Variants in BCAP29 observed in about 807,000 individuals in gnomAD.
BCAP29 encodes B cell receptor associated protein 29.
Under a neutral mutation model 31.8 loss-of-function variants are expected in BCAP29, and 34 were observed. That is an observed-to-expected ratio of 1.07 (90% CI 0.81 to 1.42). The LOEUF (loss-of-function observed/expected upper bound fraction) is 1.42. BCAP29 is among the 40% of genes most tolerant of loss of function. The pLI is 0.00. For missense variants in BCAP29, 314 were observed against 269.2 expected (o/e 1.17, Z -1.16); for synonymous variants, 104 against 91.3 (o/e 1.14, Z -0.79).
intron 3 of BCAP29, among the ~76,000 whole-genome samples, chr7:107,591,583 T>G (rs1808774940): frequency 7.7e-6 from 1 of 130,520 alleles, no homozygotes; most frequent in South Asian, 2.5e-4. Flanking sequence ...AATCTCGAGC[T>G]CTCTCTCTCT....
Position 107,619,267 on chromosome 7 carries a change from A to G in BCAP29, c.*904A>G, listed in dbSNP as rs551237730. The G allele has an allele frequency of 6.6e-6, 1 of 152,600 alleles. No homozygotes were observed. The highest frequency in any genetic ancestry group is 1.9e-4 in the East Asian group (1 of 5,190). 9.5% of individuals were successfully genotyped at this position (152,600 alleles called of 1,614,324 possible). On this transcript the variant is annotated 3_prime_UTR_variant, in exon 8 of 8. Transcript: ENST00000005259. ...ACTGGTATCACACAGTCTTTCTACAATGTTTCTGTATTCTGAAAGCTAAAT... is the reference window on the plus strand; with the variant it reads ...ACTGGTATCACACAGTCTTTCTACAGTGTTTCTGTATTCTGAAAGCTAAAT...
intron 6 of BCAP29, among the ~76,000 whole-genome samples, chr7:107,612,092 G>T (rs567201964): frequency 5.3e-5 from 8 of 151,970 alleles, no homozygotes; most frequent in Non-Finnish European, 1.0e-4. Flanking sequence ...CAAGAGAAAA[G>T]ATTGTTTATA....
Position 107,616,092 on chromosome 7 carries a change from G to GAGA in BCAP29, c.691-2236_691-2235insAGA. On this transcript the variant is annotated intron_variant, in intron 7 of 7. Transcript: ENST00000005259. ...CACCACTGCTTTACTCTGTATCTCT[G>GAGA]GGAGGCCCGTTTCCAAGGCTCCCTT... 2.6e-5 allele frequency among the ~76,000 whole-genome samples: 4 copies of GAGA among 152,212 alleles called. 1 individual carries two copies. In the Middle Eastern group the frequency reaches 0.014, roughly 518 times the overall value.
At chr7:107,611,868 A>G (rs73189582) in intron 6 of BCAP29, among the ~76,000 whole-genome samples, 6,798 of 152,282 alleles carry the variant, frequency 0.045, 180 homozygotes, top group Middle Eastern at 0.075. Context: ...TTTAAATTTA[A>G]TTGAACTTAA....
chr7:107,602,228 A>G (rs915284644), intron 6 of BCAP29, among the ~76,000 whole-genome samples: 1 of 152,186 alleles, frequency 6.6e-6, no homozygotes, highest in South Asian at 2.1e-4. Flanking sequence ...AGCAAGACAT[A>G]TAATATTTTA....
Position 107,609,165 on chromosome 7 carries a change from G to A in BCAP29, c.590-4167G>A, listed in dbSNP as rs567502560. ...GGACAAGGTGTTATAACAAAAATGA[G>A]CAGCATGTAACCAAAGGAGTATGGC... On this transcript the variant is annotated intron_variant, in intron 6 of 7. Transcript: ENST00000005259. 2.2e-3 allele frequency among the ~76,000 whole-genome samples: 342 copies of A among 152,310 alleles called. 3 individuals are homozygous for A. Among genetic ancestry groups the A allele is most frequent in the African/African-American group, 7.7e-3 (318 of 41,560 alleles).
rs758709025 is a variant in BCAP29 at position 107,613,449 on chromosome 7, C to T, written c.690+17C>T. 1 of 1,536,576 alleles carries T rather than the reference C, an allele frequency of 6.5e-7. No individual in the cohort carries two copies. Among genetic ancestry groups the T allele is most frequent in the Admixed American group, 1.7e-5 (1 of 57,914 alleles). On this transcript the variant is annotated intron_variant, in intron 7 of 7. Transcript: ENST00000005259. ...GAACTTCAGGTGGGTGTGACATGCA[C>T]TTTATGCACCTAAATGTTTTGAAAT...
intron 3 of BCAP29, among the ~76,000 whole-genome samples, chr7:107,591,243 G>A (rs578030901): frequency 6.6e-6 from 1 of 152,312 alleles, no homozygotes; most frequent in Admixed American, 6.5e-5. Context: ...TTTTGTAGCA[G>A]TTGATCAGTT....
At chr7:107,600,170 T>G in intron 5 of BCAP29, 1 of 541,682 alleles carries the variant, frequency 1.8e-6, no homozygotes, top group South Asian at 1.8e-5. Flanking sequence ...GAAATTCTTA[T>G]GTTCATTTTA....
At chr7:107,585,452 A>G (rs899356612) in intron 3 of BCAP29, among the ~76,000 whole-genome samples, 4 of 152,232 alleles carry the variant, frequency 2.6e-5, no homozygotes, top group Admixed American at 2.6e-4. Flanking sequence ...AGAAGTCAGT[A>G]AAGAACAATA....
chr7:107,594,658 T>A (rs1809483385), intron 4 of BCAP29, among the ~76,000 whole-genome samples: 1 of 152,036 alleles, frequency 6.6e-6, no homozygotes, highest in African/African-American at 2.4e-5. Context: ...CCTGCCACTG[T>A]GCCCTGCTAA....
chr7:107,622,085 A>G (rs1815025127), downstream of BCAP29: 1 of 423,334 alleles, frequency 2.4e-6, no homozygotes, highest in Middle Eastern at 5.5e-4. Context: ...GTATTTTGCC[A>G]TTGTCGTTGC....
chr7:107,592,479 C>T (rs1281335233), intron 3 of BCAP29, among the ~76,000 whole-genome samples: 2 of 152,152 alleles, frequency 1.3e-5, no homozygotes, highest in African/African-American at 2.4e-5. Flanking sequence ...ACATACACTG[C>T]TTGTGGGAAT....
At chr7:107,613,573 T>A (rs1253225370) in intron 7 of BCAP29, 141 bp downstream of exon 7, 5 of 1,420,704 alleles carry the variant, frequency 3.5e-6, no homozygotes, top group Non-Finnish European at 4.9e-6. Context: ...GAAGCCAGAT[T>A]TTTACCTAGA....
chr7:107,611,507 T>C (rs1813123696), intron 6 of BCAP29, among the ~76,000 whole-genome samples: 1 of 152,204 alleles, frequency 6.6e-6, no homozygotes, highest in African/African-American at 2.4e-5. Context: ...TGGAATCTAC[T>C]GTGTATTTTA....
Position 107,618,786 on chromosome 7 carries a change from A to G in BCAP29, c.*423A>G, listed in dbSNP as rs1814632837. The G allele has an allele frequency of 4.4e-6, 2 of 459,558 alleles. No individual in the cohort carries two copies. Among genetic ancestry groups the G allele is most frequent in the South Asian group, 3.8e-5 (1 of 26,196 alleles). The allele number at this position is 459,558 out of a possible 1,614,324, so 28.5% of individuals were successfully genotyped here. On this transcript the variant is annotated 3_prime_UTR_variant, in exon 8 of 8. Transcript: ENST00000005259. ...ATGATGTGTTTGAAAATAGTGTTCA[A>G]TATCAGCAAATTTGTACACAGGGAA...
At chr7:107,588,710 T>A (rs764010341) in intron 3 of BCAP29, among the ~76,000 whole-genome samples, 2 of 152,004 alleles carry the variant, frequency 1.3e-5, no homozygotes, top group Non-Finnish European at 1.5e-5. Flanking sequence ...AAAAAGACAG[T>A]CTTAACTGAC....
intron 6 of BCAP29, among the ~76,000 whole-genome samples, chr7:107,601,463 T>G (rs1811163867): frequency 6.6e-6 from 1 of 152,204 alleles, no homozygotes; most frequent in South Asian, 2.1e-4. Context: ...TCCTCCTTAT[T>G]ATTTCAAGTG....
intron 2 of BCAP29, among the ~76,000 whole-genome samples, chr7:107,582,202 A>G (rs977166198): frequency 6.6e-6 from 1 of 152,200 alleles, no homozygotes; most frequent in African/African-American, 2.4e-5. Context: ...TTGTCAGTTG[A>G]TCTTTACTCC....
Sources: gnomAD v4.1 joint callset for allele counts (sites outside exome capture counted in the v4.1 genomes callset) on GRCh38, gnomAD v4.1.1 for gene constraint, MANE v1.5 for transcripts, NCBI Gene and HGNC (gene_info 2026-07-23, HGNC 2026-07-21) for gene names.